The following MYRIP variants were observed in gnomAD, a reference collection of about 807,000 sequenced individuals.
MYRIP encodes myosin VIIA and Rab interacting protein.
MYRIP carries 49 observed loss-of-function variants against 98.0 expected under a neutral mutation model. That is an observed-to-expected ratio of 0.50 (90% CI 0.40 to 0.63). MYRIP has a LOEUF of 0.63. Among genes scored for constraint, MYRIP ranks in the 30% least tolerant of loss-of-function variants. The pLI is 0.00. For synonymous variants in MYRIP, 404 were observed against 409.5 expected, an observed-to-expected ratio of 0.99 and a Z score of 0.16; for missense variants, 1,004 against 1,058.2, an observed-to-expected ratio of 0.95 and a Z score of 0.71.
At chr3:40,015,814 A>T (rs1307556839) in intron 2 of MYRIP, among the ~76,000 whole-genome samples, 1 of 152,214 alleles carries the variant, frequency 6.6e-6, no homozygotes, top group Non-Finnish European at 1.5e-5. Context: ...ACTGAACAAC[A>T]CCTATAACCT....
intron 2 of MYRIP, among the ~76,000 whole-genome samples, chr3:39,990,037 C>T (rs921009516): frequency 1.3e-5 from 2 of 152,258 alleles, no homozygotes; most frequent in African/African-American, 4.8e-5. Context: ...TCACCCTCCC[C>T]CAGGAGCTCA....
chr3:40,258,532 A>G lies in MYRIP; in HGVS notation c.*366A>G. On this transcript the variant is annotated 3_prime_UTR_variant, in exon 17 of 17. Coordinates refer to ENST00000302541, the MANE Select transcript of MYRIP (RefSeq NM_015460.4). ...TTTGATTCAGCTAGTATTCCATGTC[A>G]ACAATTTGTCCAAAGGAAAACTGCT... 4.6e-6 allele frequency: 1 copy of G among 216,906 alleles called. No individual in the cohort carries two copies. The highest frequency in any genetic ancestry group is 9.3e-6 in the Non-Finnish European group (1 of 107,150). The allele number at this position is 216,906 out of a possible 1,614,324, so 13.4% of individuals were successfully genotyped here. A position where few individuals can be genotyped will look rare whatever the true frequency, so the allele number is the denominator to read the frequency against.
chr3:40,132,651 C>G (rs1295705641), intron 3 of MYRIP, among the ~76,000 whole-genome samples: 1 of 152,248 alleles, frequency 6.6e-6, no homozygotes, highest in Non-Finnish European at 1.5e-5. Context: ...TTTGGGAAGC[C>G]CCACCCTGGG....
chr3:40,220,947 G>A (rs67638073), intron 11 of MYRIP, among the ~76,000 whole-genome samples: 13,052 of 149,320 alleles, frequency 0.087, 866 homozygotes, highest in African/African-American at 0.2. Context: ...CAATATTGGG[G>A]ATTACAATTT....
chr3:40,114,037 C>CA (rs1035089034), intron 3 of MYRIP, among the ~76,000 whole-genome samples: 1 of 152,106 alleles, frequency 6.6e-6, no homozygotes, highest in Admixed American at 6.6e-5. Context: ...TTCTAGGAAA[C>CA]ACATAAAGCC....
At chr3:40,144,261 C>A (rs533103189) in intron 3 of MYRIP, among the ~76,000 whole-genome samples, 1 of 152,308 alleles carries the variant, frequency 6.6e-6, no homozygotes, top group South Asian at 2.1e-4. Context: ...AACCTCTAGG[C>A]TTTCATTCTG....
At chr3:40,026,285 C>T (rs543547013) in intron 2 of MYRIP, among the ~76,000 whole-genome samples, 15 of 152,256 alleles carry the variant, frequency 9.9e-5, no homozygotes, top group South Asian at 2.1e-4. Flanking sequence ...TGTCCGACCC[C>T]GCAGGCAGTC....
At chr3:40,026,229 C>T (rs1224189714) in intron 2 of MYRIP, among the ~76,000 whole-genome samples, 1 of 152,098 alleles carries the variant, frequency 6.6e-6, no homozygotes, top group African/African-American at 2.4e-5. Flanking sequence ...CCTACTTGCA[C>T]GTCTGTTTGT....
At chr3:39,942,448 C>A (rs1183638381) in intron 2 of MYRIP, among the ~76,000 whole-genome samples, 1 of 152,194 alleles carries the variant, frequency 6.6e-6, no homozygotes, top group East Asian at 1.9e-4. Context: ...TAGGAATTAG[C>A]AAATTCTCCT....
At chr3:39,941,136 T>G (rs1248743991) in intron 2 of MYRIP, among the ~76,000 whole-genome samples, 1 of 152,100 alleles carries the variant, frequency 6.6e-6, no homozygotes, top group African/African-American at 2.4e-5. Flanking sequence ...AAAATAGAAG[T>G]ACCTGGTGGG....
At chr3:39,841,256 C>T (rs1183736916) in intron 1 of MYRIP, among the ~76,000 whole-genome samples, 1 of 150,954 alleles carries the variant, frequency 6.6e-6, no homozygotes, top group South Asian at 2.1e-4. Context: ...TTGGCTACAA[C>T]GTATGCTTCA....
At chr3:39,839,793 G>C (rs999307694) in intron 1 of MYRIP, among the ~76,000 whole-genome samples, 2 of 152,180 alleles carry the variant, frequency 1.3e-5, no homozygotes, top group Admixed American at 6.5e-5. Context: ...TTTTGAGTGA[G>C]TTTCTTAATC....
At chr3:39,956,275 G>T (rs1348787398) in intron 2 of MYRIP, among the ~76,000 whole-genome samples, 4 of 152,060 alleles carry the variant, frequency 2.6e-5, no homozygotes, top group African/African-American at 9.7e-5. Flanking sequence ...CACATAGTTG[G>T]AAGTAAAGCA....
At chr3:40,161,759 C>T (rs916252426) in intron 4 of MYRIP, among the ~76,000 whole-genome samples, 3 of 152,128 alleles carry the variant, frequency 2.0e-5, no homozygotes, top group African/African-American at 4.8e-5. Context: ...GCTTCCATTG[C>T]CTGCCCTTCC....
chr3:39,862,806 A>T (rs989600000), intron 1 of MYRIP, among the ~76,000 whole-genome samples: 3 of 152,038 alleles, frequency 2.0e-5, no homozygotes, highest in Non-Finnish European at 4.4e-5. Context: ...CTTCTACAGA[A>T]CTCTCCACTC....
chr3:39,993,783 G>A, intron 2 of MYRIP, among the ~76,000 whole-genome samples: 1 of 152,216 alleles, frequency 6.6e-6, no homozygotes, highest in East Asian at 1.9e-4. Flanking sequence ...CACTCTGTGA[G>A]TAAATGCAGT....
At chr3:40,244,413 G>T in intron 12 of MYRIP, 33 bp from the exon 13 acceptor site, 1 of 1,578,534 alleles carries the variant, frequency 6.3e-7, no homozygotes, top group Non-Finnish European at 8.6e-7. Context: ...CAAGTCTGCA[G>T]ACATGAACTC....
At chr3:40,145,755 A>C (rs998446141) in intron 3 of MYRIP, among the ~76,000 whole-genome samples, 1 of 152,234 alleles carries the variant, frequency 6.6e-6, no homozygotes, top group Non-Finnish European at 1.5e-5. Flanking sequence ...TTTTTAATGC[A>C]GAAGAAATGG....
intron 4 of MYRIP, 88 bp downstream of exon 4, chr3:40,151,272 TC>T (rs1400211997): frequency 1.6e-5 from 23 of 1,416,646 alleles, no homozygotes; most frequent in African/African-American, 2.9e-5. Flanking sequence ...TGGAGCACAC[TC>T]ACCTGGGACA....
Sources: gnomAD v4.1 joint callset for allele counts (sites outside exome capture counted in the v4.1 genomes callset) on GRCh38, gnomAD v4.1.1 for gene constraint, MANE v1.5 for transcripts, NCBI Gene and HGNC (gene_info 2026-07-23, HGNC 2026-07-21) for gene names.